MSRB3: variants seen among roughly 807,000 people sequenced by gnomAD.
MSRB3 encodes the protein methionine sulfoxide reductase B3.
In MSRB3, 13 loss-of-function variants were observed where a neutral mutation model predicts 21.0. That is an observed-to-expected ratio of 0.62 (90% confidence interval 0.40 to 0.98). The LOEUF is 0.98. MSRB3 is among the 50% of genes least tolerant of loss of function. The pLI, the probability that MSRB3 is intolerant of heterozygous loss-of-function variation, is 0.00. For synonymous variants in MSRB3, 87 were observed against 88.6 expected, an observed-to-expected ratio of 0.98 and a Z score of 0.10; for missense variants, 199 against 230.3, an observed-to-expected ratio of 0.86 and a Z score of 0.88.
intron 5 of MSRB3, chr12:65,419,249 C>T (rs960185159): frequency 1.4e-5 from 10 of 726,914 alleles, no homozygotes; most frequent in East Asian, 2.5e-5. Flanking sequence ...CGAGCCAGCT[C>T]GTCATATTGG....
At chr12:65,428,263 G>A (rs1313311889) in intron 5 of MSRB3, among the ~76,000 whole-genome samples, 6 of 152,116 alleles carry the variant, frequency 3.9e-5, no homozygotes, top group Non-Finnish European at 8.8e-5. Flanking sequence ...CAATATCCTG[G>A]CATCTCAGGT....
chr12:65,402,290 C>G (rs1427284793), intron 5 of MSRB3, among the ~76,000 whole-genome samples: 1 of 152,190 alleles, frequency 6.6e-6, no homozygotes, highest in Non-Finnish European at 1.5e-5. Flanking sequence ...TCCCATATTT[C>G]TTGGAGGCTT....
intron 5 of MSRB3, among the ~76,000 whole-genome samples, chr12:65,446,213 G>A (rs1289999664): frequency 6.6e-6 from 1 of 152,190 alleles, no homozygotes; most frequent in Admixed American, 6.5e-5. Context: ...ATATAAACTT[G>A]AAAAGTGGTC....
At chr12:65,279,430 G>C (rs1871876811) in intron 1 of MSRB3, 1 of 151,952 alleles carries the variant, frequency 6.6e-6, no homozygotes, top group African/African-American at 2.4e-5. Context: ...CGCCCTCCCT[G>C]CGCTGCTGCC....
intron 5 of MSRB3, among the ~76,000 whole-genome samples, chr12:65,400,585 A>T (rs1235956311): frequency 6.6e-6 from 1 of 151,882 alleles, no homozygotes; most frequent in Non-Finnish European, 1.5e-5. Context: ...GATTTTTTTG[A>T]AGGGTTTTTT....
chr12:65,417,379 G>C (rs1004185712), intron 5 of MSRB3, among the ~76,000 whole-genome samples: 2 of 152,096 alleles, frequency 1.3e-5, no homozygotes, highest in Non-Finnish European at 2.9e-5. Context: ...TAACTGACAA[G>C]TAAAAATTGT....
chr12:65,297,459 T>C (rs967105858), intron 1 of MSRB3, among the ~76,000 whole-genome samples: 2 of 152,198 alleles, frequency 1.3e-5, no homozygotes, highest in African/African-American at 4.8e-5. Flanking sequence ...GACAAGACTG[T>C]ATGGGAAACT....
At chr12:65,421,547 G>A (rs1881296011) in intron 5 of MSRB3, among the ~76,000 whole-genome samples, 3 of 152,182 alleles carry the variant, frequency 2.0e-5, no homozygotes, top group African/African-American at 7.2e-5. Context: ...CAGTTTCTAT[G>A]TCCAGAATGG....
intron 1 of MSRB3, among the ~76,000 whole-genome samples, chr12:65,293,206 G>A (rs1164074262): frequency 6.6e-6 from 1 of 152,106 alleles, no homozygotes; most frequent in African/African-American, 2.4e-5. Context: ...CTCATGTCCT[G>A]TGTCATTTCT....
At chr12:65,344,019 C>G (rs1197984432) in intron 4 of MSRB3, 1 of 152,044 alleles carries the variant, frequency 6.6e-6, no homozygotes, top group Admixed American at 6.6e-5. Context: ...TTAATTTCCT[C>G]GTTTGTAACA....
intron 5 of MSRB3, among the ~76,000 whole-genome samples, chr12:65,388,893 G>C (rs1017600327): frequency 6.6e-6 from 1 of 152,114 alleles, no homozygotes; most frequent in Non-Finnish European, 1.5e-5. Context: ...GAAGAGAAGA[G>C]AAAAGCTTTT....
chr12:65,353,222 C>T (rs1160889190), intron 4 of MSRB3, among the ~76,000 whole-genome samples: 1 of 152,108 alleles, frequency 6.6e-6, no homozygotes, highest in East Asian at 1.9e-4. Context: ...GTGGAAAGTT[C>T]TGCAGATGTC....
chr12:65,400,194 T>A (rs1254452469), intron 5 of MSRB3, among the ~76,000 whole-genome samples: 1 of 152,062 alleles, frequency 6.6e-6, no homozygotes, highest in Non-Finnish European at 1.5e-5. Context: ...CTCCTGTTTG[T>A]ACCTCTGGTA....
rs535325780 is a variant in MSRB3 at position 65,398,772 on chromosome 12, G to A, written c.292+29746G>A. Among the ~76,000 whole-genome samples, 11 of 152,158 alleles carry A rather than the reference G, an allele frequency of 7.2e-5. 1 individual carries two copies. In the South Asian group the frequency reaches 2.3e-3, roughly 32 times the overall value. On this transcript the variant is annotated intron_variant, in intron 5 of 6. Coordinates refer to ENST00000308259, the MANE Select transcript of MSRB3 (RefSeq NM_001031679.3). Reference sequence around the variant, plus strand: ...CATTTAAGCCTCTAATTCATCTTGAGTTAATTTTTGTATAAGGTGTAAGGA... The same window carrying A: ...CATTTAAGCCTCTAATTCATCTTGAATTAATTTTTGTATAAGGTGTAAGGA...
At chr12:65,319,762 T>A (rs1170817305) in intron 2 of MSRB3, among the ~76,000 whole-genome samples, 1 of 152,124 alleles carries the variant, frequency 6.6e-6, no homozygotes, top group Non-Finnish European at 1.5e-5. Context: ...TTTGGGAAAA[T>A]AAAGCAGAAA....
At chr12:65,345,578 TC>T (rs1876435597) in intron 4 of MSRB3, among the ~76,000 whole-genome samples, 1 of 152,074 alleles carries the variant, frequency 6.6e-6, no homozygotes, top group Non-Finnish European at 1.5e-5. Flanking sequence ...ATAAGGAAGA[TC>T]TTTTTTTTAT....
At chr12:65,345,211 AG>A (rs1325717503) in intron 4 of MSRB3, among the ~76,000 whole-genome samples, 1 of 152,130 alleles carries the variant, frequency 6.6e-6, no homozygotes, top group East Asian at 1.9e-4. Flanking sequence ...ATAAAATTTC[AG>A]GTATATCAGT....
At chr12:65,286,399 T>C (rs1872350074) in intron 1 of MSRB3, 3 of 151,950 alleles carry the variant, frequency 2.0e-5, no homozygotes. Context: ...AAGACTGGAC[T>C]TTTAAATAGT....
intron 4 of MSRB3, among the ~76,000 whole-genome samples, chr12:65,330,812 G>T (rs1196186418): frequency 1.3e-5 from 2 of 152,166 alleles, no homozygotes; most frequent in African/African-American, 4.8e-5. Context: ...GCACAGCACA[G>T]TCCACCTCCC....
Sources: gnomAD v4.1 joint callset for allele counts (sites outside exome capture counted in the v4.1 genomes callset) on GRCh38, gnomAD v4.1.1 for gene constraint, MANE v1.5 for transcripts, NCBI Gene and HGNC (gene_info 2026-07-23, HGNC 2026-07-21) for gene names.